Variants in CASZ1 observed in about 807,000 individuals in gnomAD.
The protein encoded by CASZ1 is zinc finger protein castor homolog 1.
A neutral mutation model predicts 135.2 loss-of-function variants in CASZ1; 28 were observed. The ratio of observed to expected loss-of-function variants is 0.21; its 90% CI spans 0.15 to 0.28. CASZ1 has a LOEUF of 0.28. Among genes scored for constraint, CASZ1 ranks in the 10% least tolerant of loss-of-function variants. The pLI, the probability that CASZ1 is intolerant of heterozygous loss-of-function variation, is 1.00. For missense variants in CASZ1, 2,161 were observed against 2,453.3 expected, an observed-to-expected ratio of 0.88 and a Z score of 2.52; for synonymous variants, 1,068 against 1,073.4, an observed-to-expected ratio of 0.99 and a Z score of 0.10.
At chr1:10,782,446 G>A (rs558633626) in intron 1 of CASZ1, among the ~76,000 whole-genome samples, 1 of 152,304 alleles carries the variant, frequency 6.6e-6, no homozygotes, top group East Asian at 1.9e-4. Flanking sequence ...ATTAAAATAG[G>A]TCTCTAAGAG....
rs1640629785 is a variant in CASZ1, at chr1:10,774,579, A to C, written c.-233-13722T>G. Among the ~76,000 whole-genome samples, 1 of 152,134 alleles carries C rather than the reference A, an allele frequency of 6.6e-6. No individual in the cohort carries two copies. The highest frequency in any genetic ancestry group is 2.4e-5 in the African/African-American group (1 of 41,416). Reference sequence around the variant, plus strand: ...ATAGCCCCCCCGATCCAAAAGGATCACCAGGAGATCCAGATGGAGCATTTT... The same window carrying C: ...ATAGCCCCCCCGATCCAAAAGGATCCCCAGGAGATCCAGATGGAGCATTTT... On this transcript the variant is annotated intron_variant, in intron 1 of 20. Coordinates refer to ENST00000377022, the MANE Select transcript of CASZ1 (RefSeq NM_001079843.3). This position sits in a 1 kb window ranked among gnomAD's most constrained non-coding sequence, Gnocchi z 4.4.
rs969077491 is a variant in CASZ1, at chr1:10,638,895, C to CCCGAGG, written c.*41_*46dup. The stretch of plus-strand genomic sequence containing the variant: ...CCGCTTCGCGCGGGGCGGCGCCGCT[C>CCCGAGG]CCGAGGCCGAGGCCGAGGCCGCCGC... On this transcript the variant is annotated 3_prime_UTR_variant, in exon 21 of 21. Transcript: ENST00000377022. This position sits in a 1 kb window ranked among gnomAD's most constrained non-coding sequence, Gnocchi z 5.9. 2.5e-4 allele frequency: 238 copies of CCCGAGG among 961,822 alleles called. No individual in the cohort carries two copies. In the East Asian group the frequency reaches 3.0e-3, roughly 12 times the overall value. 59.6% of individuals were successfully genotyped at this position (961,822 alleles called of 1,614,324 possible). A position where few individuals can be genotyped will look rare whatever the true frequency, so the allele number is the denominator to read the frequency against.
At chr1:10,789,709 C>T (rs1401613476) in intron 1 of CASZ1, among the ~76,000 whole-genome samples, 1 of 152,054 alleles carries the variant, frequency 6.6e-6, no homozygotes, top group Admixed American at 6.5e-5. Context: ...ATAAACCCAT[C>T]TCTCTTCTTC....
intron 2 of CASZ1, among the ~76,000 whole-genome samples, chr1:10,729,369 G>T (rs1639661571): frequency 1.3e-5 from 2 of 152,202 alleles, no homozygotes; most frequent in African/African-American, 4.8e-5. Flanking sequence ...GCCGGGCCCA[G>T]GTGGCTCCTC....
rs201759266 is a variant in CASZ1, at chr1:10,653,867, G to C, written c.2190C>G (p.Ala730=). The C allele has an allele frequency of 1.4e-4, 223 of 1,612,992 alleles. No individual in the cohort carries two copies. The East Asian group carries it at 3.1e-3, about 23-fold the overall frequency. ...SSNDDLVDFS[A]LSSKNSSLSA... ...TCAGGCTGGAGTTCTTGCTGCTCAG[G>C]GCGGAGAAGTCAACAAGGTCGTCGT... The change falls in exon 11 of 21, where the codon GCC becomes GCG. Residue 730 remains alanine (A), a synonymous_variant. Coordinates refer to ENST00000377022, the MANE Select transcript of CASZ1 (RefSeq NM_001079843.3).
rs1223421756 is a variant in CASZ1 at position 10,646,990 on chromosome 1, C to T, written c.3498-664G>A. Among the ~76,000 whole-genome samples the T allele has an allele frequency of 6.6e-6, 1 of 152,118 alleles. No individual in the cohort carries two copies. The highest frequency in any genetic ancestry group is 1.5e-5 in the Non-Finnish European group (1 of 68,012). ...GGATGCAGAGGGGTGCAGGAGGACA[C>T]TGGTCCCAGCCTTCAACTCTGGTTG... On this transcript the variant is annotated intron_variant, in intron 16 of 20. Transcript: ENST00000377022. This position sits in a 1 kb window ranked among gnomAD's most constrained non-coding sequence, Gnocchi z 6.4.
At chr1:10,779,151 T>C (rs1289436928) in intron 1 of CASZ1, among the ~76,000 whole-genome samples, 1 of 152,128 alleles carries the variant, frequency 6.6e-6, no homozygotes, top group Non-Finnish European at 1.5e-5. Flanking sequence ...CTTACCTTGT[T>C]TTTCTTTTCC....
In CASZ1 at chr1:10,648,144, G is replaced by A. The variant is rs770318610; in HGVS notation, c.3159-5C>T. 70 of 1,500,662 alleles carry A rather than the reference G, an allele frequency of 4.7e-5. No homozygotes were observed. The highest frequency in any genetic ancestry group is 5.6e-5 in the Non-Finnish European group (63 of 1,123,652). 93.0% of individuals were successfully genotyped at this position (1,500,662 alleles called of 1,614,324 possible). A position where few individuals can be genotyped will look rare whatever the true frequency, so the allele number is the denominator to read the frequency against. On this transcript the variant is annotated splice_polypyrimidine_tract_variant and splice_region_variant and intron_variant, in intron 15 of 20. Coordinates refer to ENST00000377022, the MANE Select transcript of CASZ1 (RefSeq NM_001079843.3). Reference sequence around the variant, plus strand: ...CCCTCTGTCCGGAAGTGGAAGCTGCGAGAGGTAGAAGAGGGGGTCTCATGG... The same window carrying A: ...CCCTCTGTCCGGAAGTGGAAGCTGCAAGAGGTAGAAGAGGGGGTCTCATGG...
Position 10,697,577 on chromosome 1 carries a change from G to T in CASZ1, c.-23-3665C>A, listed in dbSNP as rs940595275. On this transcript the variant is annotated intron_variant, in intron 3 of 20. Transcript: ENST00000377022. The surrounding 1 kb of genome is among the most constrained non-coding windows in gnomAD (Gnocchi z 4.7). ...CTGCCCTTCCTGTCACACTGCTATC[G>T]CTGGTTCCTGTTACCCCCCCCGCAC... Among the ~76,000 whole-genome samples, 3 of 151,678 alleles carry T rather than the reference G, an allele frequency of 2.0e-5. No homozygotes were observed. The highest frequency in any genetic ancestry group is 7.3e-5 in the African/African-American group (3 of 41,190).
At chr1:10,645,169 G>GGCCCTTGGC in intron 17 of CASZ1, 81 bp from the exon 18 acceptor site, 1 of 1,236,844 alleles carries the variant, frequency 8.1e-7, no homozygotes, top group East Asian at 2.3e-5. Flanking sequence ...GGCTGTGGTG[G>GGCCCTTGGC]GCCCTTGGCA....
In CASZ1 at chr1:10,639,836, C is replaced by G. The variant is rs778230683; in HGVS notation, c.4386G>C (p.Glu1462Asp). 2.5e-6 allele frequency: 4 copies of G among 1,611,404 alleles called. No individual in the cohort carries two copies. In the Admixed American group the frequency reaches 5.0e-5, roughly 20 times the overall value. The change falls in exon 21 of 21, where the codon GAG becomes GAC. Residue 1462 changes from glutamate to aspartate, a missense_variant. This residue lies in a region of CASZ1 where 240 missense variants were observed against 321.4 expected (regional missense o/e 0.75). Coordinates refer to ENST00000377022, the MANE Select transcript of CASZ1 (RefSeq NM_001079843.3). This position sits in a 1 kb window ranked among gnomAD's most constrained non-coding sequence, Gnocchi z 4.0. Reference protein sequence around the residue: ...LKVTHYHCTRENCGYKFCGRT... With the variant: ...LKVTHYHCTRDNCGYKFCGRT... ...GCCCGCAGAACTTGTAGCCGCAGTT[C>G]TCGCGCGTGCAGTGGTAGTGGGTGA...
Position 10,639,156 on chromosome 1 carries a change from GCCT to G in CASZ1, c.5063_5065del (p.Glu1688del), listed in dbSNP as rs2124661378. 3 of 1,077,848 alleles carry G rather than the reference GCCT, an allele frequency of 2.8e-6. No homozygotes were observed. The highest frequency in any genetic ancestry group is 7.1e-5 in the East Asian group (1 of 14,116). 66.8% of individuals were successfully genotyped at this position (1,077,848 alleles called of 1,614,324 possible). ...GTCGTCCTCGTCCTCGTCGTCTTCG[GCCT>G]CCTCCTCCGGCAGCTCCAGCTCCTC... On this transcript the variant is annotated inframe_deletion, in exon 21 of 21. Transcript: ENST00000377022. The surrounding 1 kb of genome is among the most constrained non-coding windows in gnomAD (Gnocchi z 4.0).
In CASZ1 at chr1:10,666,500, C is replaced by A. The variant is rs564384519; in HGVS notation, c.17-929G>T. Among the ~76,000 whole-genome samples, 1 of 152,324 alleles carries A rather than the reference C, an allele frequency of 6.6e-6. No individual in the cohort carries two copies. Among genetic ancestry groups the A allele is most frequent in the Non-Finnish European group, 1.5e-5 (1 of 68,030 alleles). ...GCAGCCCCGGAAGGCCTGGCCAGCC[C>A]ACTTCCCAGCCCCCAGGAGCTCCAG... On this transcript the variant is annotated intron_variant, in intron 4 of 20. Coordinates refer to ENST00000377022, the MANE Select transcript of CASZ1 (RefSeq NM_001079843.3). This position sits in a 1 kb window ranked among gnomAD's most constrained non-coding sequence, Gnocchi z 5.2.
At chr1:10,796,251 AGCCCTCCCCTCCCCCGGAGCCGCGC>A (rs1041279415) in intron 1 of CASZ1, among the ~76,000 whole-genome samples, 1 of 151,422 alleles carries the variant, frequency 6.6e-6, no homozygotes, top group African/African-American at 2.4e-5. Flanking sequence ...CAGGAGGAGC[AGCCCTCCCCTCCCCCGGAGCCGCGC>A]GCCGGGCATT....
intron 2 of CASZ1, among the ~76,000 whole-genome samples, chr1:10,712,172 C>T (rs999299084): frequency 1.3e-5 from 2 of 151,616 alleles, no homozygotes. Flanking sequence ...ATGATGAAAC[C>T]CCGTCTCTAC....
intron 1 of CASZ1, among the ~76,000 whole-genome samples, chr1:10,782,331 A>G (rs1465826952): frequency 1.3e-5 from 2 of 152,250 alleles, no homozygotes; most frequent in East Asian, 3.8e-4. Context: ...GGAATGGAGA[A>G]TGATGGGGGC....
chr1:10,702,777 G>A (rs1054285209), intron 3 of CASZ1, among the ~76,000 whole-genome samples: 7 of 152,218 alleles, frequency 4.6e-5, no homozygotes, highest in Admixed American at 1.3e-4. Flanking sequence ...CAATGGGGCC[G>A]ATGGGAGAAG....
chr1:10,647,512 C>T lies in CASZ1; in HGVS notation c.3497+289G>A, dbSNP rs1304633828. On this transcript the variant is annotated intron_variant, in intron 16 of 20. Transcript: ENST00000377022. This position sits in a 1 kb window ranked among gnomAD's most constrained non-coding sequence, Gnocchi z 4.9. The stretch of plus-strand genomic sequence containing the variant: ...GGGAGTTGTCCTCTGAGGACCACCA[C>T]GCCCAGTCCACCCCACCTGGCCCTG... 9.8e-6 allele frequency: 13 copies of T among 1,325,624 alleles called. No individual in the cohort carries two copies. The highest frequency in any genetic ancestry group is 6.0e-5 in the African/African-American group (4 of 67,080). The allele number at this position is 1,325,624 out of a possible 1,614,324, so 82.1% of individuals were successfully genotyped here. A position where few individuals can be genotyped will look rare whatever the true frequency, so the allele number is the denominator to read the frequency against.
At position 10,755,725 on chromosome 1, in the gene CASZ1, G is replaced by A. The variant is rs1170389775; in HGVS notation, c.-77+4976C>T. ...AACACTTGCCCAGATGAGAAATCAG[G>A]AAGATCAATAACTCTTCCCAGACCA... On this transcript the variant is annotated intron_variant, in intron 2 of 20. Transcript: ENST00000377022. The surrounding 1 kb of genome is among the most constrained non-coding windows in gnomAD (Gnocchi z 4.3). 6.6e-6 allele frequency among the ~76,000 whole-genome samples: 1 copy of A among 152,098 alleles called. No individual in the cohort carries two copies. The highest frequency in any genetic ancestry group is 2.4e-5 in the African/African-American group (1 of 41,400).
Sources: gnomAD v4.1 joint callset for allele counts (sites outside exome capture counted in the v4.1 genomes callset) on GRCh38, gnomAD v4.1.1 for gene constraint, gnomAD v4.1.1 regional missense constraint, Gnocchi (gnomAD v3.1) non-coding constraint, MANE v1.5 for transcripts, NCBI Gene and HGNC (gene_info 2026-07-23, HGNC 2026-07-21) for gene names.